MARCHF7: variants seen among roughly 807,000 people sequenced by gnomAD.
The protein encoded by MARCHF7 is E3 ubiquitin-protein ligase MARCHF7.
A neutral mutation model predicts 76.5 loss-of-function variants in MARCHF7; 20 were observed. The ratio of observed to expected loss-of-function variants is 0.26; its 90% CI spans 0.18 to 0.38. The LOEUF is 0.38. Ranked by LOEUF, MARCHF7 falls within the 10% of genes least tolerant of loss-of-function variation. MARCHF7 has a pLI of 1.00. For missense variants in MARCHF7, 797 were observed against 812.9 expected (o/e 0.98, Z 0.24); for synonymous variants, 295 against 293.0 (o/e 1.01, Z -0.07).
chr2:159,763,564 G>C (rs1054717442), intron 10 of MARCHF7, among the ~76,000 whole-genome samples: 2 of 152,160 alleles, frequency 1.3e-5, no homozygotes, highest in Non-Finnish European at 2.9e-5. Context: ...GTGTACCAGA[G>C]GAAACTTTAT....
intron 2 of MARCHF7, among the ~76,000 whole-genome samples, 198 bp downstream of exon 2, chr2:159,714,796 C>G (rs189890586): frequency 6.6e-6 from 1 of 152,204 alleles, no homozygotes; most frequent in Non-Finnish European, 1.5e-5. Context: ...CGCACTGCTA[C>G]TACTAGCTAC....
At chr2:159,733,943 A>ACTG (rs1703133247) in intron 4 of MARCHF7, 2 of 1,255,740 alleles carry the variant, frequency 1.6e-6, no homozygotes, top group South Asian at 6.8e-5. Flanking sequence ...TGATTTCCTA[A>ACTG]ATATCTTTCA....
intron 3 of MARCHF7, among the ~76,000 whole-genome samples, chr2:159,724,657 T>G (rs147928017): frequency 4.6e-5 from 7 of 152,228 alleles, no homozygotes; most frequent in African/African-American, 1.7e-4. Context: ...TGTCTTTGTA[T>G]TCTCACACAT....
chr2:159,754,479 A>AT (rs1331474273), intron 8 of MARCHF7, among the ~76,000 whole-genome samples: 1 of 152,184 alleles, frequency 6.6e-6, no homozygotes, highest in Non-Finnish European at 1.5e-5. Context: ...AGGAGGTAAG[A>AT]AAGGATAGAC....
chr2:159,745,468 G>A (rs1180881584), intron 5 of MARCHF7, among the ~76,000 whole-genome samples: 1 of 151,964 alleles, frequency 6.6e-6, no homozygotes, highest in Non-Finnish European at 1.5e-5. Flanking sequence ...CAGCCTGGCC[G>A]ACAGGGTGAA....
At chr2:159,751,024 A>T (rs1705582325) in intron 7 of MARCHF7, among the ~76,000 whole-genome samples, 1 of 152,184 alleles carries the variant, frequency 6.6e-6, no homozygotes, top group Non-Finnish European at 1.5e-5. Context: ...TCCTGCTTTT[A>T]AACTTGCTAT....
intron 3 of MARCHF7, among the ~76,000 whole-genome samples, chr2:159,728,628 G>C (rs1702434174): frequency 6.6e-6 from 1 of 152,160 alleles, no homozygotes; most frequent in Non-Finnish European, 1.5e-5. Context: ...AGTGTGTTAA[G>C]GGGTATGCAA....
In MARCHF7 at chr2:159,732,958, TGAAA is replaced by T. The variant is rs943089169; in HGVS notation, c.153+3791_153+3794del. The T allele has an allele frequency of 1.9e-5, 19 of 981,434 alleles. No individual in the cohort carries two copies. In the South Asian group the frequency reaches 4.7e-4, roughly 24 times the overall value. The allele number at this position is 981,434 out of a possible 1,614,324, so 60.8% of individuals were successfully genotyped here. On this transcript the variant is annotated intron_variant, in intron 4 of 11. Transcript: ENST00000409175. ...GTTCATCTTAATTGTTAAGATTAAT[TGAAA>T]GAAAGAATACATGTGAAGCACTTGG...
chr2:159,727,729 G>C (rs915100534), intron 3 of MARCHF7, among the ~76,000 whole-genome samples: 3 of 152,364 alleles, frequency 2.0e-5, no homozygotes, highest in African/African-American at 7.2e-5. Flanking sequence ...GCTATGTAAA[G>C]AAATTAGAGT....
intron 4 of MARCHF7, among the ~76,000 whole-genome samples, chr2:159,731,492 C>T (rs571509653): frequency 2.0e-5 from 3 of 152,226 alleles, no homozygotes; most frequent in Non-Finnish European, 2.9e-5. Flanking sequence ...TGGTGGCTCA[C>T]GCCTGTAGTC....
intron 3 of MARCHF7, among the ~76,000 whole-genome samples, chr2:159,722,043 A>G (rs1236682199): frequency 6.6e-6 from 1 of 152,218 alleles, no homozygotes; most frequent in Middle Eastern, 3.2e-3. Context: ...GTACATGTGA[A>G]CTTTTTTTGC....
chr2:159,716,051 T>C (rs1388482251), intron 3 of MARCHF7, among the ~76,000 whole-genome samples: 1 of 152,128 alleles, frequency 6.6e-6, no homozygotes, highest in Admixed American at 6.5e-5. Flanking sequence ...TCATGGGATG[T>C]TAAGCTTTTT....
intron 3 of MARCHF7, among the ~76,000 whole-genome samples, chr2:159,723,567 C>A (rs1701855563): frequency 6.6e-6 from 1 of 152,152 alleles, no homozygotes; most frequent in Non-Finnish European, 1.5e-5. Flanking sequence ...TTAGGACTTA[C>A]ATACTTTCAT....
intron 8 of MARCHF7, among the ~76,000 whole-genome samples, chr2:159,755,501 C>G (rs550692469): frequency 1.3e-5 from 2 of 152,202 alleles, no homozygotes; most frequent in Admixed American, 6.5e-5. Flanking sequence ...CAACTACTCT[C>G]ACTTCTTGGT....
chr2:159,764,255 T>C (rs62173036), intron 10 of MARCHF7, among the ~76,000 whole-genome samples: 22,232 of 130,882 alleles, frequency 0.17, 1,719 homozygotes, highest in South Asian at 0.24. Flanking sequence ...TGTGTGTGTG[T>C]GCGCGCGCCC....
At chr2:159,764,596 C>T (rs756276287) in intron 10 of MARCHF7, 30 bp from the exon 11 acceptor site, 1 of 1,533,658 alleles carries the variant, frequency 6.5e-7, no homozygotes, top group Non-Finnish European at 8.9e-7. Flanking sequence ...AACATTTAAA[C>T]TACTGTATTT....
intron 3 of MARCHF7, among the ~76,000 whole-genome samples, chr2:159,717,810 A>G (rs1701204935): frequency 1.3e-5 from 2 of 152,228 alleles, no homozygotes; most frequent in South Asian, 4.1e-4. Flanking sequence ...ATCACCCGAG[A>G]TAACAGCAAA....
intron 4 of MARCHF7, among the ~76,000 whole-genome samples, chr2:159,739,238 G>A (rs1162578846): frequency 6.6e-6 from 1 of 152,202 alleles, no homozygotes; most frequent in Non-Finnish European, 1.5e-5. Flanking sequence ...CCCACCTGTT[G>A]CTGACTCTGT....
At chr2:159,747,750 A>AAAT in intron 6 of MARCHF7, 55 bp from the exon 7 acceptor site, 1 of 1,500,996 alleles carries the variant, frequency 6.7e-7, no homozygotes, top group East Asian at 2.3e-5. Flanking sequence ...TAATAAATGC[A>AAAT]AATAATAATG....
Sources: allele counts gnomAD v4.1 joint callset (sites outside exome capture counted in the v4.1 genomes callset), GRCh38; gene constraint gnomAD v4.1.1; transcripts MANE v1.5; gene names NCBI Gene and HGNC (gene_info 2026-07-23, HGNC 2026-07-21).